Variants in RGS6 observed in about 807,000 individuals in gnomAD.
The protein encoded by RGS6 is regulator of G protein signaling 6, also known as regulator of G-protein signaling 6.
A neutral mutation model predicts 78.5 loss-of-function variants in RGS6; 30 were observed. The observed-to-expected ratio is 0.38, with a 90% confidence interval of 0.29 to 0.52. RGS6 has a LOEUF of 0.52. Among genes scored for constraint, RGS6 ranks in the 20% least tolerant of loss-of-function variants. The pLI is 0.85. For missense variants in RGS6, 495 were observed against 609.7 expected (o/e 0.81, Z 1.98); for synonymous variants, 206 against 206.0 (o/e 1.00, Z 0.00).
intron 2 of RGS6, among the ~76,000 whole-genome samples, chr14:72,117,841 G>A (rs138284792): frequency 1.3e-5 from 2 of 152,116 alleles, no homozygotes; most frequent in Non-Finnish European, 2.9e-5. Flanking sequence ...CCTTTGCCTT[G>A]TGACCCACAA....
chr14:72,556,459 T>TGAGA (rs2097576511), intron 17 of RGS6, among the ~76,000 whole-genome samples: 1 of 152,088 alleles, frequency 6.6e-6, no homozygotes. Context: ...CAATTCGAAG[T>TGAGA]GAGATTTGGG....
At chr14:72,556,086 T>C (rs1180341562) in intron 17 of RGS6, among the ~76,000 whole-genome samples, 2 of 151,006 alleles carry the variant, frequency 1.3e-5, no homozygotes, top group Non-Finnish European at 2.9e-5. Flanking sequence ...ACTCTTCTTT[T>C]GTAGATTCAA....
chr14:72,074,378 G>A (rs1386061190), intron 2 of RGS6, among the ~76,000 whole-genome samples: 3 of 151,738 alleles, frequency 2.0e-5, no homozygotes, highest in Non-Finnish European at 4.4e-5. Flanking sequence ...TGTAGGGGTG[G>A]GTAGAGACAG....
At chr14:71,902,309 A>G in the RGS6 span, among the ~76,000 whole-genome samples, 2 of 152,198 alleles carry the variant, frequency 1.3e-5, no homozygotes, top group Non-Finnish European at 2.9e-5. Context: ...AAATTAACAA[A>G]GATTATTTTG....
At chr14:72,126,214 C>CTTGT (rs1272845012) in intron 2 of RGS6, among the ~76,000 whole-genome samples, 1 of 152,218 alleles carries the variant, frequency 6.6e-6, no homozygotes, top group Non-Finnish European at 1.5e-5. Context: ...CACATGCTAA[C>CTTGT]TTGTTTGCTG....
rs112257816 is a variant in RGS6, at chr14:72,058,075, G to GTT, written c.84+93214_84+93215dup. On this transcript the variant is annotated intron_variant, in intron 2 of 17. Transcript: ENST00000553525. Reference sequence around the variant, plus strand: ...CTATCATATTGTCAGTTTATGAGGTGTTTTTTTTTTTTTTTGCTTGTCTTC... The same window carrying GTT: ...CTATCATATTGTCAGTTTATGAGGTGTTTTTTTTTTTTTTTTTGCTTGTCTTC... Among the ~76,000 whole-genome samples, 761 of 135,010 alleles carry GTT rather than the reference G, an allele frequency of 5.6e-3. 3 individuals are homozygous for GTT. Among genetic ancestry groups the GTT allele is most frequent in the African/African-American group, 0.019 (691 of 37,058 alleles). The allele number at this position is 135,010 out of a possible 152,430, so 88.6% of individuals were successfully genotyped here. A position where few individuals can be genotyped will look rare whatever the true frequency, so the allele number is the denominator to read the frequency against.
At chr14:72,195,590 C>T (rs568801214) in intron 2 of RGS6, among the ~76,000 whole-genome samples, 14 of 152,230 alleles carry the variant, frequency 9.2e-5, no homozygotes, top group East Asian at 7.7e-4. Flanking sequence ...AAAAATGAGG[C>T]GCTTGAACGA....
At chr14:72,187,828 G>C (rs995016840) in intron 2 of RGS6, among the ~76,000 whole-genome samples, 1 of 151,916 alleles carries the variant, frequency 6.6e-6, no homozygotes, top group Non-Finnish European at 1.5e-5. Flanking sequence ...AAATGTCTTC[G>C]TAACGGCAAA....
At chr14:71,870,743 G>T in the RGS6 span, among the ~76,000 whole-genome samples, 2 of 152,204 alleles carry the variant, frequency 1.3e-5, no homozygotes, top group Admixed American at 6.5e-5. Flanking sequence ...TTGCAGCCAG[G>T]GATGACAACC....
chr14:72,233,673 A>G (rs564216243), intron 2 of RGS6, among the ~76,000 whole-genome samples: 3 of 152,322 alleles, frequency 2.0e-5, no homozygotes, highest in African/African-American at 7.2e-5. Context: ...GTTCTATACA[A>G]ACGTTCACAG....
intron 3 of RGS6, among the ~76,000 whole-genome samples, chr14:72,391,069 A>G (rs986520357): frequency 1.1e-4 from 17 of 152,244 alleles, no homozygotes; most frequent in African/African-American, 3.9e-4. Flanking sequence ...AAATGCAAGC[A>G]TATGAATAAA....
At chr14:72,509,367 G>GAAAAA (rs574286198) in intron 13 of RGS6, among the ~76,000 whole-genome samples, 40 of 113,468 alleles carry the variant, frequency 3.5e-4, no homozygotes, top group African/African-American at 1.1e-3. Flanking sequence ...TCCATCTCAA[G>GAAAAA]AAAAAAAAAA....
chr14:71,931,636 G>A (rs2087871577), upstream of RGS6, among the ~76,000 whole-genome samples: 1 of 152,098 alleles, frequency 6.6e-6, no homozygotes, highest in Admixed American at 6.5e-5. Flanking sequence ...GATATTGATA[G>A]CATTGATATT....
chr14:72,379,642 G>A (rs544678550), intron 3 of RGS6, among the ~76,000 whole-genome samples: 190 of 151,930 alleles, frequency 1.3e-3, no homozygotes, highest in Admixed American at 2.2e-3. Flanking sequence ...CCTTTGTAAG[G>A]AAAACTACAA....
intron 2 of RGS6, among the ~76,000 whole-genome samples, chr14:72,340,887 A>G (rs77887505): frequency 0.011 from 1,649 of 152,268 alleles, 35 homozygotes; most frequent in African/African-American, 0.038. Context: ...TTCCCTCCAG[A>G]AAGTTATGTT....
chr14:72,137,853 A>C (rs548865135), intron 2 of RGS6, among the ~76,000 whole-genome samples: 2 of 152,130 alleles, frequency 1.3e-5, no homozygotes, highest in South Asian at 4.1e-4. Flanking sequence ...TCACATAGGC[A>C]CAATTGTTTA....
intron 2 of RGS6, among the ~76,000 whole-genome samples, chr14:72,048,235 G>A (rs17179393): frequency 0.033 from 4,983 of 152,112 alleles, 119 homozygotes; most frequent in Admixed American, 0.058. Context: ...TTACCAAATC[G>A]CTCTTTAAAC....
chr14:72,375,075 C>T (rs1449843633), intron 3 of RGS6, among the ~76,000 whole-genome samples: 1 of 152,106 alleles, frequency 6.6e-6, no homozygotes, highest in Middle Eastern at 3.4e-3. Flanking sequence ...CACGGAAAGG[C>T]AGAAACAAAT....
chr14:72,225,030 T>C (rs1469836312), intron 2 of RGS6, among the ~76,000 whole-genome samples: 1 of 152,162 alleles, frequency 6.6e-6, no homozygotes, highest in East Asian at 1.9e-4. Context: ...CCATCTTGAG[T>C]GGCAAGCCTA....
Sources: allele counts gnomAD v4.1 joint callset (sites outside exome capture counted in the v4.1 genomes callset), GRCh38; gene constraint gnomAD v4.1.1; transcripts MANE v1.5; gene names NCBI Gene and HGNC (gene_info 2026-07-23, HGNC 2026-07-21).